Variants in LRRC7 observed in about 807,000 individuals in gnomAD.
The protein encoded by LRRC7 is leucine-rich repeat-containing protein 7.
LRRC7 carries 23 observed loss-of-function variants against 175.7 expected under a neutral mutation model. The observed-to-expected ratio is 0.13, with a 90% CI of 0.09 to 0.19. The LOEUF (loss-of-function observed/expected upper bound fraction) is 0.19, where lower values mean the gene tolerates loss of function less well. Among genes scored for constraint, LRRC7 ranks in the 10% least tolerant of loss-of-function variants. The probability of loss-of-function intolerance (pLI) is 1.00; values close to 1 mark genes in which losing one functional copy is unlikely to be tolerated. For synonymous variants in LRRC7, 685 were observed against 680.9 expected, an observed-to-expected ratio of 1.01 and a Z score of -0.09; for missense variants, 1,354 against 1,904.7, an observed-to-expected ratio of 0.71 and a Z score of 5.38.
chr1:69,588,466 T>C lies in LRRC7; in HGVS notation c.2+19825T>C, dbSNP rs554700725. 3.9e-5 allele frequency among the ~76,000 whole-genome samples: 6 copies of C among 152,258 alleles called. No homozygotes were observed. In the East Asian group the frequency reaches 9.6e-4, roughly 24 times the overall value. On this transcript the variant is annotated intron_variant, in intron 1 of 26. Coordinates refer to ENST00000651989, the MANE Select transcript of LRRC7 (RefSeq NM_001370785.2). ...CTATATTCTAAATTATATGAAATAA[T>C]ATATTAAGCATGTAGTTTTGTAAAT...
At position 70,044,108 on chromosome 1, in the gene LRRC7, G is replaced by C. The variant is rs779941555; in HGVS notation, c.4110+14G>C. ...CCTCTTCAGAAAGTAAGTATGGACTGCCCTACATGTGTCAGCATACCAAAG... is the reference window on the plus strand; with the variant it reads ...CCTCTTCAGAAAGTAAGTATGGACTCCCCTACATGTGTCAGCATACCAAAG... On this transcript the variant is annotated intron_variant, in intron 22 of 26. Transcript: ENST00000651989. The C allele has an allele frequency of 1.2e-6, 2 of 1,609,586 alleles. No individual in the cohort carries two copies. The highest frequency in any genetic ancestry group is 1.7e-6 in the Non-Finnish European group (2 of 1,177,252).
At chr1:69,971,810 C>A (rs1045489324) in intron 8 of LRRC7, among the ~76,000 whole-genome samples, 3 of 152,112 alleles carry the variant, frequency 2.0e-5, no homozygotes, top group Non-Finnish European at 4.4e-5. Context: ...GCCCACATAG[C>A]CAAAGCAAGA....
At chr1:70,017,159 C>T (rs572222874) in intron 14 of LRRC7, among the ~76,000 whole-genome samples, 1 of 151,750 alleles carries the variant, frequency 6.6e-6, no homozygotes, top group African/African-American at 2.4e-5. Flanking sequence ...CCTGTAATCC[C>T]AGCTACTCGG....
chr1:69,724,704 A>G (rs530129011), intron 2 of LRRC7, among the ~76,000 whole-genome samples: 8 of 152,300 alleles, frequency 5.3e-5, no homozygotes, highest in African/African-American at 1.9e-4. Flanking sequence ...CTGGAACTCT[A>G]GCAGTAAATG....
chr1:69,674,978 ATG>A (rs1470906723), intron 1 of LRRC7, among the ~76,000 whole-genome samples: 2 of 152,212 alleles, frequency 1.3e-5, no homozygotes, highest in African/African-American at 2.4e-5. Flanking sequence ...AGCATTTTAC[ATG>A]TGTTACCATA....
At chr1:70,120,696 C>T (rs968103571) in intron 26 of LRRC7, among the ~76,000 whole-genome samples, 19 of 151,914 alleles carry the variant, frequency 1.3e-4, no homozygotes, top group Non-Finnish European at 2.4e-4. Flanking sequence ...AGTATCAGTC[C>T]ATTGAAAATT....
Position 69,794,433 on chromosome 1 carries a change from A to C in LRRC7, c.421+2273A>C, listed in dbSNP as rs139094803. 3.3e-3 allele frequency among the ~76,000 whole-genome samples: 497 copies of C among 152,340 alleles called. 1 individual carries two copies. The highest frequency in any genetic ancestry group is 5.5e-3 in the Non-Finnish European group (375 of 68,014). On this transcript the variant is annotated intron_variant, in intron 4 of 26. Transcript: ENST00000651989. ...TACCATACACAGATGTGTAAAGAGA[A>C]GAACAACTAGGTTTTGACCCATGGA... is the stretch of plus-strand genomic sequence containing the variant.
rs1172470698 is a variant in LRRC7, at chr1:70,128,176, G to A, written c.*6289G>A. Among the ~76,000 whole-genome samples, 1 of 152,080 alleles carries A rather than the reference G, an allele frequency of 6.6e-6. No homozygotes were observed. The highest frequency in any genetic ancestry group is 6.6e-5 in the Admixed American group (1 of 15,264). On this transcript the variant is annotated 3_prime_UTR_variant, in exon 27 of 27. Coordinates refer to ENST00000651989, the MANE Select transcript of LRRC7 (RefSeq NM_001370785.2). ...AGGGTTTCACCGTGTTGGCCAGGCT[G>A]GTCTCGAACACCTGGCCTCAAAAGA...
chr1:69,978,573 C>T (rs967079944), intron 8 of LRRC7, among the ~76,000 whole-genome samples: 2 of 152,168 alleles, frequency 1.3e-5, no homozygotes, highest in East Asian at 1.9e-4. Context: ...TCATGGATGC[C>T]TTTCATTTCA....
intron 2 of LRRC7, among the ~76,000 whole-genome samples, chr1:69,712,491 C>T (rs1330341597): frequency 6.6e-6 from 1 of 151,932 alleles, no homozygotes; most frequent in African/African-American, 2.4e-5. Context: ...GTAATCCAAG[C>T]TATTCAGGAG....
chr1:69,906,756 T>G (rs2101685660), intron 7 of LRRC7, among the ~76,000 whole-genome samples: 1 of 152,300 alleles, frequency 6.6e-6, no homozygotes, highest in East Asian at 1.9e-4. Context: ...CTTTTTTGGT[T>G]CCATATGAAC....
intron 22 of LRRC7, among the ~76,000 whole-genome samples, chr1:70,048,470 G>A (rs769781278): frequency 6.6e-6 from 1 of 151,944 alleles, no homozygotes; most frequent in Non-Finnish European, 1.5e-5. Context: ...CTTCTGCCTG[G>A]TGCCCACATA....
At chr1:70,028,465 C>T (rs1475779066) in intron 18 of LRRC7, 94 bp downstream of exon 18, 1 of 1,037,300 alleles carries the variant, frequency 9.6e-7, no homozygotes, top group Admixed American at 2.7e-5. Context: ...TTGATAAGTG[C>T]ATTTTTTTCC....
intron 24 of LRRC7, among the ~76,000 whole-genome samples, chr1:70,078,810 GCACACACACACACGCACACACA>G (rs1181713371): frequency 5.7e-5 from 8 of 141,212 alleles, no homozygotes; most frequent in Non-Finnish European, 1.1e-4. Flanking sequence ...GCGCGCGCGC[GCACACACACACACGCACACACA>G]CACACACACA....
At chr1:69,967,545 G>T (rs750501653) in intron 8 of LRRC7, among the ~76,000 whole-genome samples, 1 of 152,084 alleles carries the variant, frequency 6.6e-6, no homozygotes, top group Non-Finnish European at 1.5e-5. Flanking sequence ...ACCTCACAGA[G>T]TCCATTTCAC....
chr1:70,023,989 G>A (rs1351329663), intron 17 of LRRC7, among the ~76,000 whole-genome samples: 5 of 151,682 alleles, frequency 3.3e-5, no homozygotes, highest in African/African-American at 9.7e-5. Flanking sequence ...GGTTAATGGG[G>A]GGAAAAACAT....
At chr1:69,803,892 T>C (rs1011478867) in intron 4 of LRRC7, among the ~76,000 whole-genome samples, 1 of 151,458 alleles carries the variant, frequency 6.6e-6, no homozygotes, top group African/African-American at 2.4e-5. Context: ...ACCATTTATC[T>C]TTTAGTCTTT....
intron 8 of LRRC7, among the ~76,000 whole-genome samples, chr1:69,956,174 A>G (rs921265296): frequency 6.6e-5 from 10 of 151,902 alleles, no homozygotes; most frequent in African/African-American, 1.9e-4. Flanking sequence ...GTAGACTAAT[A>G]TTATTTTACA....
chr1:69,629,710 T>C (rs1360549599), intron 1 of LRRC7, among the ~76,000 whole-genome samples: 1 of 152,190 alleles, frequency 6.6e-6, no homozygotes, highest in East Asian at 1.9e-4. Context: ...TTGTTATTCT[T>C]AATTACTGTC....
Sources: allele counts gnomAD v4.1 joint callset (sites outside exome capture counted in the v4.1 genomes callset), GRCh38; gene constraint gnomAD v4.1.1; transcripts MANE v1.5; gene names NCBI Gene and HGNC (gene_info 2026-07-23, HGNC 2026-07-21).